PLD1: variants seen among roughly 807,000 people sequenced by gnomAD.
PLD1 encodes choline phosphatase 1.
In PLD1, 112 loss-of-function variants were observed where a neutral mutation model predicts 137.1. The observed-to-expected ratio is 0.82, with a 90% confidence interval of 0.70 to 0.96. The LOEUF is 0.96. Ranked by LOEUF, PLD1 falls within the 40% of genes least tolerant of loss-of-function variation. The probability of loss-of-function intolerance (pLI) is 0.00; values close to 1 mark genes in which losing one functional copy is unlikely to be tolerated. For missense variants in PLD1, 1,321 were observed against 1,342.0 expected (o/e 0.98, Z 0.24); for synonymous variants, 431 against 454.7 (o/e 0.95, Z 0.66).
chr3:171,677,109 G>A (rs1362641669), intron 17 of PLD1, among the ~76,000 whole-genome samples: 1 of 152,200 alleles, frequency 6.6e-6, no homozygotes, highest in Non-Finnish European at 1.5e-5. Flanking sequence ...AATTATCTAA[G>A]GCTGTGTATT....
At chr3:171,661,987 G>C (rs1250493679) in intron 20 of PLD1, 73 bp downstream of exon 20, 1 of 798,552 alleles carries the variant, frequency 1.3e-6, no homozygotes, top group Non-Finnish European at 2.1e-6. Flanking sequence ...CCTAAGTTTG[G>C]GGACCCTGAA....
intron 1 of PLD1, among the ~76,000 whole-genome samples, chr3:171,807,461 A>C (rs962993041): frequency 2.0e-5 from 3 of 152,240 alleles, no homozygotes; most frequent in South Asian, 4.1e-4. Flanking sequence ...TGACGGTAGC[A>C]CAACGATGTG....
chr3:171,685,353 C>T (rs1714442383), intron 16 of PLD1, among the ~76,000 whole-genome samples: 1 of 152,226 alleles, frequency 6.6e-6, no homozygotes, highest in Non-Finnish European at 1.5e-5. Flanking sequence ...TAGACTGTAA[C>T]TCTCATCTGC....
At chr3:171,639,538 TATAAATATATATTC>T (rs1170042893) in intron 23 of PLD1, among the ~76,000 whole-genome samples, 8 of 85,492 alleles carry the variant, frequency 9.4e-5, no homozygotes, top group African/African-American at 2.6e-4. Flanking sequence ...ATATATATTA[TATAAATATATATTC>T]ATATAATATA....
chr3:171,706,079 C>T (rs1716656774), intron 11 of PLD1, among the ~76,000 whole-genome samples: 1 of 152,006 alleles, frequency 6.6e-6, no homozygotes, highest in Non-Finnish European at 1.5e-5. Flanking sequence ...CCATAAGCTG[C>T]AGAAAGAAAT....
intron 2 of PLD1, 78 bp from the exon 3 acceptor site, chr3:171,737,737 C>A (rs1202775984): frequency 1.5e-6 from 2 of 1,290,584 alleles, no homozygotes; most frequent in Non-Finnish European, 2.2e-6. Flanking sequence ...TTTTAAGAAT[C>A]ACGTGTTAAA....
chr3:171,673,145 G>T (rs1386296819), intron 19 of PLD1, among the ~76,000 whole-genome samples: 1 of 151,940 alleles, frequency 6.6e-6, no homozygotes, highest in Non-Finnish European at 1.5e-5. Flanking sequence ...CCTCTACGTA[G>T]AATAAAATTA....
chr3:171,615,226 A>G (rs987858209), intron 24 of PLD1, among the ~76,000 whole-genome samples: 1 of 152,238 alleles, frequency 6.6e-6, no homozygotes, highest in Non-Finnish European at 1.5e-5. Context: ...AAAGATACAC[A>G]CTGAACTGTT....
At chr3:171,709,791 C>A in intron 9 of PLD1, 82 bp from the exon 10 acceptor site, 1 of 1,216,518 alleles carries the variant, frequency 8.2e-7, no homozygotes, top group Non-Finnish European at 1.1e-6. Flanking sequence ...ATATACCAAA[C>A]ACAAACTGAA....
At chr3:171,672,611 C>T (rs1200587336) in intron 19 of PLD1, among the ~76,000 whole-genome samples, 2 of 152,012 alleles carry the variant, frequency 1.3e-5, no homozygotes, top group African/African-American at 4.8e-5. Flanking sequence ...CTTCAGCCTC[C>T]TAAGTGGCTG....
In PLD1 at chr3:171,708,786, C is replaced by T; in HGVS notation, c.1114G>A (p.Ala372Thr). ...FEDVANAMEE[A>T]NEEIFITDWW... Reference sequence around the variant, plus strand: ...TCTGTGATAAAAATCTCTTCATTTGCCTCTTCCATTGCATTTGCCACATCT... The same window carrying T: ...TCTGTGATAAAAATCTCTTCATTTGTCTCTTCCATTGCATTTGCCACATCT... The change falls in exon 11 of 27, where the codon GCA becomes ACA. Residue 372 changes from alanine (A) to threonine (T), a missense_variant. Transcript: ENST00000351298. 1 of 1,603,708 alleles carries T rather than the reference C, an allele frequency of 6.2e-7. No homozygotes were observed. The highest frequency in any genetic ancestry group is 8.5e-7 in the Non-Finnish European group (1 of 1,170,512).
chr3:171,720,665 C>T (rs1407922849), intron 8 of PLD1, among the ~76,000 whole-genome samples: 1 of 151,782 alleles, frequency 6.6e-6, no homozygotes, highest in Non-Finnish European at 1.5e-5. Context: ...TATTTTAAAT[C>T]CCAAAAATGT....
chr3:171,649,251 A>G (rs1736525838), intron 21 of PLD1, among the ~76,000 whole-genome samples: 1 of 151,988 alleles, frequency 6.6e-6, no homozygotes, highest in African/African-American at 2.4e-5. Flanking sequence ...TGTTTTTAGG[A>G]CTCTCTTAGC....
chr3:171,747,837 C>A (rs1376843414), intron 1 of PLD1, among the ~76,000 whole-genome samples: 5 of 152,176 alleles, frequency 3.3e-5, no homozygotes, highest in Admixed American at 6.5e-5. Context: ...CTGTAAGGGT[C>A]ACCCAACAAT....
chr3:171,629,015 A>C (rs1734404265), intron 23 of PLD1, among the ~76,000 whole-genome samples: 2 of 147,574 alleles, frequency 1.4e-5, no homozygotes, highest in South Asian at 2.2e-4. Context: ...TGGCCAGGGC[A>C]ATTAGGCAGG....
At chr3:171,674,994 A>G (rs536903186) in intron 18 of PLD1, among the ~76,000 whole-genome samples, 122 of 148,774 alleles carry the variant, frequency 8.2e-4, no homozygotes, top group South Asian at 1.9e-3. Context: ...AAAAAAAAAA[A>G]AAAAAGAAAA....
chr3:171,634,023 A>G (rs1297939608), intron 23 of PLD1, among the ~76,000 whole-genome samples: 1 of 152,216 alleles, frequency 6.6e-6, no homozygotes, highest in Non-Finnish European at 1.5e-5. Flanking sequence ...GAGATTAGCT[A>G]GTTCATGTAT....
At chr3:171,742,489 A>C (rs1453908554) in intron 1 of PLD1, among the ~76,000 whole-genome samples, 1 of 108,230 alleles carries the variant, frequency 9.2e-6, no homozygotes, top group East Asian at 2.2e-4. Context: ...AATATGCAAA[A>C]ATTCATTTTT....
chr3:171,616,887 G>A (rs1392209), intron 24 of PLD1, among the ~76,000 whole-genome samples: 2 of 152,050 alleles, frequency 1.3e-5, no homozygotes, highest in Non-Finnish European at 2.9e-5. Context: ...ACGAACGCAC[G>A]AACTCTACCC....
Sources: allele counts gnomAD v4.1 joint callset (sites outside exome capture counted in the v4.1 genomes callset), GRCh38; gene constraint gnomAD v4.1.1; transcripts MANE v1.5; gene names NCBI Gene and HGNC (gene_info 2026-07-23, HGNC 2026-07-21).